Variants in SDK1 observed in about 807,000 individuals in gnomAD.
The protein encoded by SDK1 is protein sidekick-1.
SDK1 carries 157 observed loss-of-function variants against 245.5 expected under a neutral mutation model. The ratio of observed to expected loss-of-function variants is 0.64; its 90% CI spans 0.56 to 0.73. The LOEUF is 0.73. SDK1 is among the 30% of genes least tolerant of loss of function. SDK1 has a pLI of 0.00. For missense variants in SDK1, 3,583 were observed against 3,002.3 expected, an observed-to-expected ratio of 1.19 and a Z score of -4.52; for synonymous variants, 1,647 against 1,278.5, an observed-to-expected ratio of 1.29 and a Z score of -6.15.
intron 4 of SDK1, among the ~76,000 whole-genome samples, chr7:3,797,479 AC>A (rs1408525389): frequency 1.1e-4 from 17 of 151,924 alleles, no homozygotes; most frequent in African/African-American, 3.9e-4. Context: ...ACACACACAC[AC>A]ACACACACAC....
chr7:4,135,182 T>A (rs1221868274), intron 28 of SDK1, among the ~76,000 whole-genome samples: 1 of 152,208 alleles, frequency 6.6e-6, no homozygotes, highest in African/African-American at 2.4e-5. Flanking sequence ...CACTATAAAA[T>A]GATAATTGAG....
chr7:3,910,269 T>G (rs1223125110), intron 5 of SDK1, among the ~76,000 whole-genome samples: 3 of 152,174 alleles, frequency 2.0e-5, no homozygotes, highest in Admixed American at 2.0e-4. Context: ...AACAGATTAT[T>G]CTGCTGTGCT....
chr7:3,793,563 G>A (rs998136969), intron 4 of SDK1, among the ~76,000 whole-genome samples: 7 of 152,130 alleles, frequency 4.6e-5, no homozygotes, highest in Non-Finnish European at 1.0e-4. Flanking sequence ...GCCCTTTACA[G>A]CTTTTGTATC....
intron 30 of SDK1, among the ~76,000 whole-genome samples, chr7:4,150,362 G>T (rs868717317): frequency 6.6e-6 from 1 of 152,144 alleles, no homozygotes; most frequent in Non-Finnish European, 1.5e-5. Flanking sequence ...CCTCCATGTC[G>T]CAGGGCTCTG....
chr7:3,481,999 T>C (rs1286266874), intron 1 of SDK1, among the ~76,000 whole-genome samples: 1 of 149,076 alleles, frequency 6.7e-6, no homozygotes, highest in African/African-American at 2.6e-5. Flanking sequence ...GAAAAAAATA[T>C]AATAAGGGAT....
intron 1 of SDK1, among the ~76,000 whole-genome samples, chr7:3,554,663 A>G (rs1779525066): frequency 6.6e-6 from 1 of 152,228 alleles, no homozygotes; most frequent in South Asian, 2.1e-4. Flanking sequence ...TGAGGAGAGT[A>G]GGAGAGATAG....
chr7:3,436,226 G>A (rs1039572020), intron 1 of SDK1, among the ~76,000 whole-genome samples: 2 of 151,966 alleles, frequency 1.3e-5, no homozygotes, highest in Non-Finnish European at 2.9e-5. Context: ...GACCCAATTT[G>A]CATTTCAGTG....
intron 1 of SDK1, among the ~76,000 whole-genome samples, chr7:3,361,470 C>G (rs1780950435): frequency 6.6e-6 from 1 of 152,178 alleles, no homozygotes; most frequent in Non-Finnish European, 1.5e-5. Flanking sequence ...AGCATCTCTG[C>G]CTGCCTTGGG....
intron 4 of SDK1, among the ~76,000 whole-genome samples, chr7:3,698,838 T>C (rs188897092): frequency 6.6e-6 from 1 of 152,328 alleles, no homozygotes; most frequent in Non-Finnish European, 1.5e-5. Context: ...CATCTAACCC[T>C]AATTAGTTCC....
chr7:3,965,622 G>C (rs1383406282), intron 9 of SDK1, among the ~76,000 whole-genome samples: 1 of 152,182 alleles, frequency 6.6e-6, no homozygotes, highest in Non-Finnish European at 1.5e-5. Context: ...AGGCTCTGGG[G>C]ACACGGCTGT....
At chr7:4,066,837 T>TG (rs1168059802) in intron 19 of SDK1, among the ~76,000 whole-genome samples, 6 of 152,336 alleles carry the variant, frequency 3.9e-5, no homozygotes, top group Admixed American at 3.3e-4. Context: ...CATCTGCATG[T>TG]GGGGCGGAGC....
chr7:3,966,848 G>A (rs989024536), intron 9 of SDK1, among the ~76,000 whole-genome samples: 1 of 151,970 alleles, frequency 6.6e-6, no homozygotes, highest in African/African-American at 2.4e-5. Flanking sequence ...ACCATGCCTG[G>A]CTAATTTTTC....
At chr7:3,927,320 G>A (rs1328750316) in intron 5 of SDK1, among the ~76,000 whole-genome samples, 1 of 152,060 alleles carries the variant, frequency 6.6e-6, no homozygotes, top group Non-Finnish European at 1.5e-5. Context: ...GGGCCCTTTA[G>A]TTTCCCTCCT....
At chr7:3,673,418 C>T (rs1040764208) in intron 4 of SDK1, among the ~76,000 whole-genome samples, 7 of 152,152 alleles carry the variant, frequency 4.6e-5, no homozygotes, top group Non-Finnish European at 8.8e-5. Context: ...CTGGCTCTTC[C>T]TTTTAGTATA....
At chr7:4,185,363 C>G (rs113824976) in intron 35 of SDK1, among the ~76,000 whole-genome samples, 8,129 of 152,230 alleles carry the variant, frequency 0.053, 306 homozygotes, top group Admixed American at 0.077. Flanking sequence ...CTCCAGCCTT[C>G]AAGACACTCA....
At chr7:3,974,708 T>G in intron 13 of SDK1, 163 bp downstream of exon 13, 1 of 595,142 alleles carries the variant, frequency 1.7e-6, no homozygotes, top group Non-Finnish European at 2.9e-6. Context: ...GGACAAGGTT[T>G]TTTTGTGGTT....
chr7:3,518,848 G>T (rs1782835825), intron 1 of SDK1, among the ~76,000 whole-genome samples: 1 of 152,018 alleles, frequency 6.6e-6, no homozygotes, highest in Non-Finnish European at 1.5e-5. Flanking sequence ...CTGCACTTCT[G>T]TGTTTATTGT....
chr7:3,489,395 G>A (rs1781800799), intron 1 of SDK1, among the ~76,000 whole-genome samples: 1 of 152,132 alleles, frequency 6.6e-6, no homozygotes, highest in South Asian at 2.1e-4. Context: ...ATAAGTAATT[G>A]CTGCAGCGCT....
chr7:4,159,118 AT>A (rs1459446708), intron 31 of SDK1, among the ~76,000 whole-genome samples: 1 of 152,228 alleles, frequency 6.6e-6, no homozygotes, highest in African/African-American at 2.4e-5. Flanking sequence ...ATGGTGGGTA[AT>A]AGCTCAGCTC....
Sources: gnomAD v4.1 joint callset for allele counts (sites outside exome capture counted in the v4.1 genomes callset) on GRCh38, gnomAD v4.1.1 for gene constraint, MANE v1.5 for transcripts, NCBI Gene and HGNC (gene_info 2026-07-23, HGNC 2026-07-21) for gene names.